Variants in MEAK7 observed in about 807,000 individuals in gnomAD.
MEAK7 encodes the protein MTOR associated protein MEAK7, also known as MTOR-associated protein MEAK7.
Under a neutral mutation model 40.5 loss-of-function variants are expected in MEAK7, and 68 were observed. The observed-to-expected ratio is 1.68, with a 90% CI of 1.38 to 2.06. The LOEUF (loss-of-function observed/expected upper bound fraction) is 2.06. Ranked by LOEUF, MEAK7 falls within the 30% of genes most tolerant of loss-of-function variation. The probability of loss-of-function intolerance (pLI) is 0.00; values close to 1 mark genes in which losing one functional copy is unlikely to be tolerated. For synonymous variants in MEAK7, 338 were observed against 231.9 expected (o/e 1.46, Z -4.16); for missense variants, 918 against 580.5 (o/e 1.58, Z -5.98).
At chr16:84,482,483 A>G in intron 6 of MEAK7, 109 bp downstream of exon 6, 2 of 1,544,332 alleles carry the variant, frequency 1.3e-6, no homozygotes, top group Non-Finnish European at 1.8e-6. Flanking sequence ...GTGCGTGAGG[A>G]ACTGAATGCC....
intron 6 of MEAK7, among the ~76,000 whole-genome samples, chr16:84,481,235 C>G (rs1473962158): frequency 6.6e-6 from 1 of 152,236 alleles, no homozygotes; most frequent in Admixed American, 6.5e-5. Flanking sequence ...GTGCCTTCCA[C>G]CCTCAGTCAC....
At position 84,486,845 on chromosome 16, in the gene MEAK7, G is replaced by A; in HGVS notation, c.744C>T (p.Val248=). The change falls in exon 5 of 8, where the codon GTC becomes GTT. Residue 248 remains valine, a synonymous_variant. Coordinates refer to ENST00000343629, the MANE Select transcript of MEAK7 (RefSeq NM_020947.4). ...QGRGFESILD[V]LSVMYINAQL... ...GGGCGTTGATGTACATGACAGAGAG[G>A]ACATCCAGGATGCTCTCAAAACCCC... 3 of 1,614,140 alleles carry A rather than the reference G, an allele frequency of 1.9e-6. No homozygotes were observed. The highest frequency in any genetic ancestry group is 2.5e-6 in the Non-Finnish European group (3 of 1,180,034).
rs1204600999 is a variant in MEAK7, at chr16:84,486,980, G to T, written c.609C>A (p.Val203=). The T allele has an allele frequency of 3.1e-6, 5 of 1,614,038 alleles. No individual in the cohort carries two copies. Among genetic ancestry groups the T allele is most frequent in the African/African-American group, 2.7e-5 (2 of 74,908 alleles). ...CACTCAGGAATATGGCCACATGGGG[G>T]ACCCTGAACACCCAGTCCTCGATCA... is the stretch of plus-strand genomic sequence containing the variant. ...RAVIEDWVFR[V]PHVAIFLSVV... is the part of the protein sequence containing the mutation. The change falls in exon 5 of 8, where the codon GTC becomes GTA. Residue 203 remains valine, a synonymous_variant. Transcript: ENST00000343629.
chr16:84,482,834 G>C (rs1436441851), intron 5 of MEAK7, 124 bp from the exon 6 acceptor site: 4 of 1,432,872 alleles, frequency 2.8e-6, no homozygotes, highest in Non-Finnish European at 3.8e-6. Flanking sequence ...CCCATGTCCA[G>C]GTGTCGGCAG....
At chr16:84,501,599 G>T (rs547793691) in intron 1 of MEAK7, among the ~76,000 whole-genome samples, 41 of 152,256 alleles carry the variant, frequency 2.7e-4, no homozygotes, top group Admixed American at 5.2e-4. Flanking sequence ...CCCAGGAGAT[G>T]ACAGGAAAGG....
At chr16:84,483,751 C>T (rs928791029) in intron 5 of MEAK7, among the ~76,000 whole-genome samples, 4 of 152,146 alleles carry the variant, frequency 2.6e-5, no homozygotes, top group Non-Finnish European at 4.4e-5. Context: ...AGGCAGCTTC[C>T]GAGGTCAAGA....
chr16:84,480,748 C>T (rs1463906270), intron 6 of MEAK7, 40 bp from the exon 7 acceptor site: 2 of 1,573,842 alleles, frequency 1.3e-6, no homozygotes, highest in South Asian at 1.2e-5. Flanking sequence ...ATCAGCAACT[C>T]CTCAGGGTCT....
intron 5 of MEAK7, among the ~76,000 whole-genome samples, 168 bp from the exon 6 acceptor site, chr16:84,482,878 G>A (rs1267526261): frequency 3.9e-5 from 6 of 152,214 alleles, no homozygotes; most frequent in Non-Finnish European, 8.8e-5. Flanking sequence ...AGGGACCCAG[G>A]TGGATGAGCT....
At chr16:84,480,077 G>A in intron 7 of MEAK7, 51 bp from the exon 8 acceptor site, 1 of 1,416,422 alleles carries the variant, frequency 7.1e-7, no homozygotes, top group Admixed American at 2.1e-5. Flanking sequence ...CCAACAAGAG[G>A]CAGCAGCTTC....
intron 1 of MEAK7, among the ~76,000 whole-genome samples, chr16:84,502,180 C>T (rs1284474692): frequency 6.6e-6 from 1 of 151,720 alleles, no homozygotes; most frequent in African/African-American, 2.4e-5. Context: ...GGTGCTGGTG[C>T]TGACAGCGCA....
chr16:84,482,868 A>G lies in MEAK7; in HGVS notation c.959-158T>C, dbSNP rs557718641. 5.9e-5 allele frequency among the ~76,000 whole-genome samples: 9 copies of G among 152,310 alleles called. No homozygotes were observed. In the East Asian group the frequency reaches 1.7e-3, roughly 29 times the overall value. ...AGATCAGGGTTTGGGACAAGCTGCTAGGGACCCAGGTGGATGAGCTGGGGA... is the reference window on the plus strand; with the variant it reads ...AGATCAGGGTTTGGGACAAGCTGCTGGGGACCCAGGTGGATGAGCTGGGGA... On this transcript the variant is annotated intron_variant, in intron 5 of 7. Transcript: ENST00000343629.
chr16:84,487,114 C>T lies in MEAK7; in HGVS notation c.530-55G>A, dbSNP rs1035720768. 4.1e-5 allele frequency: 63 copies of T among 1,534,238 alleles called. No homozygotes were observed. In the South Asian group the frequency reaches 5.3e-4, roughly 13 times the overall value. Reference sequence around the variant, plus strand: ...GGGCTGTTATGTCACCATTTAGCTACTATCTAAACCCACACTGATCAGTGT... The same window carrying T: ...GGGCTGTTATGTCACCATTTAGCTATTATCTAAACCCACACTGATCAGTGT... On this transcript the variant is annotated intron_variant, in intron 4 of 7. Coordinates refer to ENST00000343629, the MANE Select transcript of MEAK7 (RefSeq NM_020947.4).
Position 84,497,852 on chromosome 16 carries a change from C to T in MEAK7, c.153+82G>A, listed in dbSNP as rs373171767. On this transcript the variant is annotated intron_variant, in intron 2 of 7. Transcript: ENST00000343629. ...TGCCATCCATCCCATTACAAAAACA[C>T]GAAAGCAGATTCTGGCCTGAAAGCC... The T allele has an allele frequency of 3.5e-5, 56 of 1,584,902 alleles. No homozygotes were observed. The Admixed American group carries it at 8.0e-4, about 23-fold the overall frequency.
rs527982468 is a variant in MEAK7 at position 84,478,033 on chromosome 16, C to T, written c.*1880G>A. The T allele has an allele frequency of 2.3e-5, 3 of 132,486 alleles. No individual in the cohort carries two copies. Among genetic ancestry groups the T allele is most frequent in the Middle Eastern group, 3.8e-3 (1 of 266 alleles). The allele number at this position is 132,486 out of a possible 1,614,324, so 8.2% of individuals were successfully genotyped here. A position where few individuals can be genotyped will look rare whatever the true frequency, so the allele number is the denominator to read the frequency against. On this transcript the variant is annotated 3_prime_UTR_variant, in exon 8 of 8. Transcript: ENST00000343629. ...CAATCAATGGTCACCAAGGCACAGA[C>T]ACTGACGGACATTTAATTTTTTTTT... is the stretch of plus-strand genomic sequence containing the variant.
chr16:84,501,051 C>T (rs973731089), intron 1 of MEAK7, among the ~76,000 whole-genome samples: 13 of 146,778 alleles, frequency 8.9e-5, no homozygotes, highest in East Asian at 2.0e-4. Flanking sequence ...GCCGAGACCA[C>T]GCCACTACAC....
chr16:84,492,029 T>A lies in MEAK7; in HGVS notation c.385-2607A>T, dbSNP rs73249754. Among the ~76,000 whole-genome samples the A allele has an allele frequency of 8.3e-3, 1,259 of 152,240 alleles. 19 individuals carry two copies. The highest frequency in any genetic ancestry group is 0.028 in the African/African-American group (1,147 of 41,522). ...CACTGAAAACAATTAAAGCCTCATT[T>A]TGAGACCCAGGAAAAGATGGCAATC... On this transcript the variant is annotated intron_variant, in intron 3 of 7. Coordinates refer to ENST00000343629, the MANE Select transcript of MEAK7 (RefSeq NM_020947.4).
intron 3 of MEAK7, among the ~76,000 whole-genome samples, chr16:84,491,813 G>A (rs574004260): frequency 1.0e-3 from 152 of 149,880 alleles, no homozygotes; most frequent in Non-Finnish European, 1.6e-3. Flanking sequence ...CTCCAGCCTC[G>A]GTGAAGGCGC....
chr16:84,482,508 G>C (rs978335542), intron 6 of MEAK7, 84 bp downstream of exon 6: 3 of 1,606,254 alleles, frequency 1.9e-6, no homozygotes, highest in Non-Finnish European at 1.7e-6. Context: ...GCCCTGCCCT[G>C]ATCTGTGGAG....
rs144404000 is a variant in MEAK7, at chr16:84,482,789, C to A, written c.959-79G>T. 3,552 of 1,577,606 alleles carry A rather than the reference C, an allele frequency of 2.3e-3. 154 individuals carry two copies. In the Admixed American group the frequency reaches 0.06, roughly 27 times the overall value. ...CAGGGCCGGAAATGCCGGTAAGCTG[C>A]AGCTCAGGAAGCAACAGGGCCAAGA... On this transcript the variant is annotated intron_variant, in intron 5 of 7. Transcript: ENST00000343629.
Sources: allele counts gnomAD v4.1 joint callset (sites outside exome capture counted in the v4.1 genomes callset), GRCh38; gene constraint gnomAD v4.1.1; transcripts MANE v1.5; gene names NCBI Gene and HGNC (gene_info 2026-07-23, HGNC 2026-07-21).